TBC1D23: variants seen among roughly 807,000 people sequenced by gnomAD.
TBC1D23 encodes the protein TBC1 domain family member 23, also known as HCV non-structural protein 4A-transactivated protein 1.
TBC1D23 carries 55 observed loss-of-function variants against 91.4 expected under a neutral mutation model. The ratio of observed to expected loss-of-function variants is 0.60; its 90% confidence interval spans 0.48 to 0.75. TBC1D23 has a LOEUF of 0.75. Ranked by LOEUF, TBC1D23 falls within the 30% of genes least tolerant of loss-of-function variation. The probability of loss-of-function intolerance (pLI) is 0.00; values close to 1 mark genes in which losing one functional copy is unlikely to be tolerated. For synonymous variants in TBC1D23, 289 were observed against 281.0 expected (o/e 1.03, Z -0.28); for missense variants, 725 against 836.1 (o/e 0.87, Z 1.64).
intron 14 of TBC1D23, among the ~76,000 whole-genome samples, chr3:100,311,286 A>C (rs1302412491): frequency 6.6e-6 from 1 of 152,192 alleles, no homozygotes; most frequent in Non-Finnish European, 1.5e-5. Flanking sequence ...ATTTTACTTT[A>C]AGAATTGAAT....
At chr3:100,269,081 A>G (rs1050220050) in intron 1 of TBC1D23, among the ~76,000 whole-genome samples, 1 of 152,210 alleles carries the variant, frequency 6.6e-6, no homozygotes, top group Non-Finnish European at 1.5e-5. Context: ...GATTTAAAAC[A>G]CCTGTTCCAT....
intron 10 of TBC1D23, among the ~76,000 whole-genome samples, chr3:100,299,978 T>G (rs1031251215): frequency 3.3e-5 from 5 of 152,216 alleles, no homozygotes; most frequent in Non-Finnish European, 7.3e-5. Context: ...TATCAGCTCT[T>G]ACTGTAATTG....
chr3:100,302,963 T>A (rs1223513267), intron 11 of TBC1D23, among the ~76,000 whole-genome samples: 1 of 152,240 alleles, frequency 6.6e-6, no homozygotes, highest in Non-Finnish European at 1.5e-5. Flanking sequence ...CATTTTAATA[T>A]CTTCATTTGA....
chr3:100,272,920 C>T (rs892055520), intron 1 of TBC1D23, among the ~76,000 whole-genome samples: 3 of 151,106 alleles, frequency 2.0e-5, no homozygotes, highest in Middle Eastern at 3.2e-3. Flanking sequence ...AACATACAAT[C>T]GGTTTTATAC....
chr3:100,297,198 C>T lies in TBC1D23; in HGVS notation c.877-725C>T, dbSNP rs777088370. ...CACCTTTTTTTTTAAAGCATTCTGCCATAATAATTTCTAGTTGGTACTCAT... is the reference window on the plus strand; with the variant it reads ...CACCTTTTTTTTTAAAGCATTCTGCTATAATAATTTCTAGTTGGTACTCAT... On this transcript the variant is annotated intron_variant, in intron 8 of 18. Transcript: ENST00000394144. 2.0e-5 allele frequency among the ~76,000 whole-genome samples: 3 copies of T among 152,086 alleles called. No individual in the cohort carries two copies. In the South Asian group the frequency reaches 6.2e-4, roughly 32 times the overall value.
At position 100,261,026 on chromosome 3, in the gene TBC1D23, AAGG is replaced by A; in HGVS notation, c.11_13del (p.Gly4del). On this transcript the variant is annotated inframe_deletion, in exon 1 of 19. Coordinates refer to ENST00000394144, the MANE Select transcript of TBC1D23 (RefSeq NM_001199198.3). ...ACGTGGACGTCAACAGCAATGGCGG[AAGG>A]AGAAGATGTGCCGCCGCTGCCAACG... is the stretch of plus-strand genomic sequence containing the variant. 6.2e-7 allele frequency: 1 copy of A among 1,613,980 alleles called. No individual in the cohort carries two copies. Among genetic ancestry groups the A allele is most frequent in the East Asian group, 2.2e-5 (1 of 44,874 alleles).
intron 4 of TBC1D23, among the ~76,000 whole-genome samples, chr3:100,290,086 G>A (rs2148858409): frequency 6.6e-6 from 1 of 152,266 alleles, no homozygotes; most frequent in Non-Finnish European, 1.5e-5. Flanking sequence ...TTGCTCTGAG[G>A]AGTTGGTACT....
intron 9 of TBC1D23, among the ~76,000 whole-genome samples, chr3:100,298,536 A>T (rs1705348175): frequency 6.6e-6 from 1 of 152,172 alleles, no homozygotes; most frequent in Admixed American, 6.5e-5. Context: ...GTAGTGCAGC[A>T]GTTAACCATG....
chr3:100,296,302 G>A, intron 8 of TBC1D23, 27 bp downstream of exon 8: 1 of 1,229,262 alleles, frequency 8.1e-7, no homozygotes, highest in Non-Finnish European at 1.2e-6. Flanking sequence ...GACCAACTAT[G>A]TTGTATTTCA....
chr3:100,309,642 C>T (rs536125723), intron 13 of TBC1D23, among the ~76,000 whole-genome samples: 93 of 116,250 alleles, frequency 8.0e-4, no homozygotes, highest in East Asian at 7.7e-3. Flanking sequence ...GACAGCGTCT[C>T]GCTCTGTCGC....
At chr3:100,280,088 C>G (rs1023958175) in intron 2 of TBC1D23, among the ~76,000 whole-genome samples, 1 of 151,950 alleles carries the variant, frequency 6.6e-6, no homozygotes, top group Non-Finnish European at 1.5e-5. Context: ...AGTTCAAGAC[C>G]CGCCTGGCCA....
chr3:100,266,511 C>T (rs920990400), intron 1 of TBC1D23, among the ~76,000 whole-genome samples: 4 of 152,148 alleles, frequency 2.6e-5, no homozygotes, highest in African/African-American at 9.7e-5. Context: ...TCAGGTGATC[C>T]ACCCTCCTCA....
At chr3:100,309,991 G>A (rs1705597211) in intron 13 of TBC1D23, among the ~76,000 whole-genome samples, 1 of 152,190 alleles carries the variant, frequency 6.6e-6, no homozygotes, top group African/African-American at 2.4e-5. Flanking sequence ...CAAACTGGGG[G>A]CTTAACCAAT....
In TBC1D23 at chr3:100,300,397, A is replaced by C. The variant is rs145513166; in HGVS notation, c.1092+1066A>C. 4.7e-3 allele frequency among the ~76,000 whole-genome samples: 712 copies of C among 152,204 alleles called. 2 individuals are homozygous for C. Among genetic ancestry groups the C allele is most frequent in the Non-Finnish European group, 6.4e-3 (432 of 68,010 alleles). On this transcript the variant is annotated intron_variant, in intron 10 of 18. Coordinates refer to ENST00000394144, the MANE Select transcript of TBC1D23 (RefSeq NM_001199198.3). ...ATTGTGAGAAAGGCCATCTTAGCTC[A>C]TCCATATTCTGTAGGTGAACTCTGT...
intron 1 of TBC1D23, among the ~76,000 whole-genome samples, chr3:100,264,657 CT>C (rs1332281649): frequency 6.6e-6 from 1 of 152,098 alleles, no homozygotes; most frequent in Admixed American, 6.6e-5. Context: ...TTCCTATTTT[CT>C]TTTTTTGTTG....
At chr3:100,288,928 C>T (rs562110053) in intron 4 of TBC1D23, among the ~76,000 whole-genome samples, 1 of 152,198 alleles carries the variant, frequency 6.6e-6, no homozygotes, top group East Asian at 1.9e-4. Flanking sequence ...AAGTAACTAC[C>T]TCTGGCCCGG....
intron 9 of TBC1D23, 85 bp downstream of exon 9, chr3:100,298,130 A>G (rs114677910): frequency 1.7e-6 from 2 of 1,206,014 alleles, no homozygotes; most frequent in East Asian, 5.0e-5. Context: ...TGATTCCCAC[A>G]AAATCAATTT....
At chr3:100,301,432 T>A (rs1279142795) in intron 10 of TBC1D23, among the ~76,000 whole-genome samples, 1 of 152,258 alleles carries the variant, frequency 6.6e-6, no homozygotes, top group Non-Finnish European at 1.5e-5. Context: ...TTATTTTTTG[T>A]GAGTGTGCTG....
chr3:100,272,991 C>T (rs1028987967), intron 1 of TBC1D23, among the ~76,000 whole-genome samples: 2 of 152,052 alleles, frequency 1.3e-5, no homozygotes, highest in Admixed American at 6.6e-5. Flanking sequence ...GTCTCAACTG[C>T]AAAGAGGCAT....
Sources: gnomAD v4.1 joint callset for allele counts (sites outside exome capture counted in the v4.1 genomes callset) on GRCh38, gnomAD v4.1.1 for gene constraint, MANE v1.5 for transcripts, NCBI Gene and HGNC (gene_info 2026-07-23, HGNC 2026-07-21) for gene names.